CEP164: variants seen among roughly 807,000 people sequenced by gnomAD.
CEP164 encodes the protein centrosomal protein 164.
CEP164 carries 162 observed loss-of-function variants against 182.7 expected under a neutral mutation model. That is an observed-to-expected ratio of 0.89 (90% CI 0.78 to 1.01). The LOEUF (loss-of-function observed/expected upper bound fraction) is 1.01. Among genes scored for constraint, CEP164 ranks in the 50% least tolerant of loss-of-function variants. The pLI is 0.00. For synonymous variants in CEP164, 661 were observed against 690.0 expected, an observed-to-expected ratio of 0.96 and a Z score of 0.66; for missense variants, 1,735 against 1,790.4, an observed-to-expected ratio of 0.97 and a Z score of 0.56.
intron 3 of CEP164, among the ~76,000 whole-genome samples, chr11:117,338,965 G>T (rs2037641856): frequency 6.6e-6 from 1 of 151,976 alleles, no homozygotes; most frequent in African/African-American, 2.4e-5. Context: ...TTACAGGCGT[G>T]CACCACCACA....
intron 8 of CEP164, 64 bp from the exon 9 acceptor site, chr11:117,371,016 A>T: frequency 1.3e-6 from 2 of 1,486,922 alleles, no homozygotes; most frequent in Non-Finnish European, 1.8e-6. Context: ...ATCTTGTAGC[A>T]TGTCTCAACT....
intron 3 of CEP164, 117 bp downstream of exon 3, chr11:117,338,785 G>A: frequency 2.5e-6 from 2 of 802,636 alleles, no homozygotes; most frequent in South Asian, 1.6e-5. Flanking sequence ...GAGTTGCTTA[G>A]TATATTCGGG....
chr11:117,379,506 T>C (rs1020969204), intron 11 of CEP164, among the ~76,000 whole-genome samples: 1 of 152,206 alleles, frequency 6.6e-6, no homozygotes, highest in African/African-American at 2.4e-5. Context: ...GGACTGGCAC[T>C]GGCAGAGTCT....
intron 12 of CEP164, 129 bp downstream of exon 12, chr11:117,380,834 G>C: frequency 2.6e-6 from 2 of 780,866 alleles, no homozygotes; most frequent in South Asian, 3.4e-5. Context: ...TGAACTGGCT[G>C]GATGGCCTTG....
intron 5 of CEP164, among the ~76,000 whole-genome samples, chr11:117,360,936 CT>C (rs1247919224): frequency 1.1e-3 from 142 of 130,924 alleles, no homozygotes; most frequent in South Asian, 2.4e-3. Flanking sequence ...TCTTATATGG[CT>C]TTTTTTTTTT....
intron 5 of CEP164, chr11:117,355,366 T>C (rs1259451851): frequency 7.8e-7 from 1 of 1,289,820 alleles, no homozygotes; most frequent in Admixed American, 2.3e-5. Context: ...CTCAGAACAC[T>C]GGGCTTCTCC....
intron 2 of CEP164, among the ~76,000 whole-genome samples, chr11:117,336,850 T>C (rs534984003): frequency 7.2e-5 from 11 of 152,136 alleles, no homozygotes; most frequent in Admixed American, 2.6e-4. Context: ...GGCCAACTGC[T>C]CTGCAGGTTG....
chr11:117,406,015 T>G (rs1235001123), intron 27 of CEP164, among the ~76,000 whole-genome samples: 1 of 152,224 alleles, frequency 6.6e-6, no homozygotes, highest in East Asian at 1.9e-4. Flanking sequence ...TTCTGAGCCC[T>G]CCAAACTGTT....
chr11:117,370,971 G>A, intron 8 of CEP164, 109 bp from the exon 9 acceptor site: 1 of 1,167,518 alleles, frequency 8.6e-7, no homozygotes, highest in South Asian at 1.7e-5. Context: ...CAGAACTCAG[G>A]CACTGGCCTG....
At position 117,408,047 on chromosome 11, in the gene CEP164, C is replaced by G; in HGVS notation, c.3609+15C>G. ...TTTGGGAAGAGGTGCAGCCCCATGT[C>G]CACATAGTCCAGTGGGCCCTGGCCT... On this transcript the variant is annotated intron_variant, in intron 28 of 32. Transcript: ENST00000278935. The G allele has an allele frequency of 6.5e-7, 1 of 1,544,006 alleles. No homozygotes were observed. Among genetic ancestry groups the G allele is most frequent in the Non-Finnish European group, 8.8e-7 (1 of 1,134,490 alleles).
At chr11:117,328,453 C>T (rs2035660187) in intron 1 of CEP164, among the ~76,000 whole-genome samples, 1 of 152,194 alleles carries the variant, frequency 6.6e-6, no homozygotes, top group Non-Finnish European at 1.5e-5. Flanking sequence ...AAAAATGTCC[C>T]TCTACCTCTG....
intron 1 of CEP164, among the ~76,000 whole-genome samples, chr11:117,334,092 T>C (rs1051609933): frequency 6.6e-6 from 1 of 152,254 alleles, no homozygotes; most frequent in Admixed American, 6.5e-5. Flanking sequence ...TATACATTTC[T>C]CTGTGACTGA....
chr11:117,336,212 C>G lies in CEP164; in HGVS notation c.-22+532C>G, dbSNP rs539324456. On this transcript the variant is annotated intron_variant, in intron 2 of 32. Transcript: ENST00000278935. ...TCCAGGGCCTGTATTCAGTCAGAATCGCTGCTGGAAGAGGAGGAGAAAGAG... is the reference window on the plus strand; with the variant it reads ...TCCAGGGCCTGTATTCAGTCAGAATGGCTGCTGGAAGAGGAGGAGAAAGAG... 2.4e-5 allele frequency: 39 copies of G among 1,592,042 alleles called. 2 individuals carry two copies. The South Asian group carries it at 4.2e-4, about 17-fold the overall frequency.
In CEP164 at chr11:117,371,266, A is replaced by G. The variant is rs760068872; in HGVS notation, c.952A>G (p.Lys318Glu). 4 of 1,614,212 alleles carry G rather than the reference A, an allele frequency of 2.5e-6. No individual in the cohort carries two copies. The highest frequency in any genetic ancestry group is 3.4e-6 in the Non-Finnish European group (4 of 1,180,036). ...PGLPEKEENEKSEPKICRNLV... is the reference protein window; with the variant it reads ...PGLPEKEENEESEPKICRNLV... Reference sequence around the variant, plus strand: ...TCTTCCAGAAAAAGAGGAAAATGAGAAGAGTGAACCTAAGATTTGCAGGAA... The same window carrying G: ...TCTTCCAGAAAAAGAGGAAAATGAGGAGAGTGAACCTAAGATTTGCAGGAA... The change falls in exon 9 of 33, where the codon AAG (lysine) becomes GAG (glutamate). Residue 318 changes from lysine to glutamate, a missense_variant. By Grantham distance (56) the Lys-to-Glu change is moderately conservative. Coordinates refer to ENST00000278935, the MANE Select transcript of CEP164 (RefSeq NM_014956.5).
At chr11:117,378,860 C>T (rs1485681119) in intron 11 of CEP164, among the ~76,000 whole-genome samples, 1 of 152,214 alleles carries the variant, frequency 6.6e-6, no homozygotes, top group Non-Finnish European at 1.5e-5. Context: ...CTGCAGCCAG[C>T]CCTCCTGTCT....
rs1355872869 is a variant in CEP164, at chr11:117,398,169, G to A, written c.3501+856G>A. Among the ~76,000 whole-genome samples the A allele has an allele frequency of 3.3e-5, 5 of 152,294 alleles. No homozygotes were observed. In the East Asian group the frequency reaches 9.6e-4, roughly 29 times the overall value. ...CCCATGCAAGTCTGAAATCCAGTGG[G>A]GCAGTCAAATTTTAAAGCTCCAAAA... On this transcript the variant is annotated intron_variant, in intron 27 of 32. Coordinates refer to ENST00000278935, the MANE Select transcript of CEP164 (RefSeq NM_014956.5).
chr11:117,331,368 T>C (rs1490532668), intron 1 of CEP164, among the ~76,000 whole-genome samples: 1 of 152,216 alleles, frequency 6.6e-6, no homozygotes, highest in Non-Finnish European at 1.5e-5. Context: ...CTTCTAATAG[T>C]TAAGAATTAT....
At chr11:117,343,517 A>G (rs932452492) in intron 3 of CEP164, among the ~76,000 whole-genome samples, 1 of 152,172 alleles carries the variant, frequency 6.6e-6, no homozygotes, top group East Asian at 1.9e-4. Context: ...GGGAGAGCTT[A>G]CTACCTTCTG....
rs572862 is a variant in CEP164 at position 117,412,918 on chromosome 11, A to G, written c.*750A>G. Reference sequence around the variant, plus strand: ...CTCAGGTCTCAAAAACAACTTCTCCAGGAGGCCAAAAAAAGACTGGGTTGG... The same window carrying G: ...CTCAGGTCTCAAAAACAACTTCTCCGGGAGGCCAAAAAAAGACTGGGTTGG... On this transcript the variant is annotated 3_prime_UTR_variant, in exon 33 of 33. Coordinates refer to ENST00000278935, the MANE Select transcript of CEP164 (RefSeq NM_014956.5). 0.16 allele frequency: 23,805 copies of G among 152,078 alleles called. 2,447 individuals are homozygous for G. The highest frequency in any genetic ancestry group is 0.29 in the African/African-American group (11,816 of 41,418). 9.4% of individuals were successfully genotyped at this position (152,078 alleles called of 1,614,324 possible).
Sources: gnomAD v4.1 joint callset for allele counts (sites outside exome capture counted in the v4.1 genomes callset) on GRCh38, gnomAD v4.1.1 for gene constraint, MANE v1.5 for transcripts, NCBI Gene and HGNC (gene_info 2026-07-23, HGNC 2026-07-21) for gene names.